Variants in MYH13 observed in about 807,000 individuals in gnomAD.
MYH13 encodes the protein myosin heavy chain 13.
Under a neutral mutation model 232.1 loss-of-function variants are expected in MYH13, and 177 were observed. That is an observed-to-expected ratio of 0.76 (90% CI 0.67 to 0.86). The LOEUF is 0.86. Ranked by LOEUF, MYH13 falls within the 40% of genes least tolerant of loss-of-function variation. The pLI is 0.00. For missense variants in MYH13, 2,246 were observed against 2,405.9 expected, an observed-to-expected ratio of 0.93 and a Z score of 1.39; for synonymous variants, 884 against 923.5, an observed-to-expected ratio of 0.96 and a Z score of 0.78.
chr17:10,311,362 T>G (rs1374805313), intron 32 of MYH13, 135 bp from the exon 33 acceptor site: 1 of 1,113,036 alleles, frequency 9.0e-7, no homozygotes, highest in African/African-American at 1.6e-5. Context: ...GCCGTTCAGA[T>G]GAGGTGTTGG....
chr17:10,343,849 C>G lies in MYH13; in HGVS notation c.1845G>C (p.Ser615=). 6.2e-7 allele frequency: 1 copy of G among 1,610,880 alleles called. No homozygotes were observed. The highest frequency in any genetic ancestry group is 1.7e-5 in the Admixed American group (1 of 59,572). ...AAAAAAGGAAGGAGAGAAGCTTCAG[C>G]GAAGACTTCTGGTACAGCCCCACCA... ...ETVVGLYQKS[S]LKLLSFLFSN... The change falls in exon 16 of 41, where the codon TCG becomes TCC. Residue 615 remains serine (S), a synonymous_variant. Coordinates refer to ENST00000252172, the MANE Select transcript of MYH13 (RefSeq NM_003802.3).
At position 10,328,064 on chromosome 17, in the gene MYH13, C is replaced by A; in HGVS notation, c.2493G>T (p.Trp831Cys). Residue 831 changes from tryptophan (W) to cysteine (C), a missense_variant, in exon 22 of 41, where the codon TGG becomes TGT. Physicochemically the swap from Trp to Cys is radical, Grantham distance 215. Transcript: ENST00000252172. The stretch of plus-strand genomic sequence containing the variant: ...TTTTGAAGAACAGGTTCATCCAGGG[C>A]CAGTGCTTGACGTTCATAAAAGAGC... Reference protein sequence around the residue: ...NIRSFMNVKHWPWMNLFFKIK... With the variant: ...NIRSFMNVKHCPWMNLFFKIK... The A allele has an allele frequency of 6.2e-7, 1 of 1,614,140 alleles. No homozygotes were observed. Among genetic ancestry groups the A allele is most frequent in the South Asian group, 1.1e-5 (1 of 91,070 alleles).
intron 27 of MYH13, among the ~76,000 whole-genome samples, chr17:10,318,188 G>A (rs1036798112): frequency 5.9e-5 from 9 of 152,230 alleles, no homozygotes; most frequent in Non-Finnish European, 8.8e-5. Context: ...GTTGCAGTGA[G>A]CTGAGATGGC....
intron 11 of MYH13, among the ~76,000 whole-genome samples, chr17:10,353,993 G>T (rs182117847): frequency 6.6e-6 from 1 of 151,694 alleles, no homozygotes; most frequent in East Asian, 1.9e-4. Context: ...TTGACGAATT[G>T]TGTCTTCCAG....
intron 18 of MYH13, among the ~76,000 whole-genome samples, chr17:10,334,927 C>G (rs563808368): frequency 6.6e-6 from 1 of 151,546 alleles, no homozygotes; most frequent in Non-Finnish European, 1.5e-5. Context: ...ATTCATAGAA[C>G]CGCCGATGTG....
At position 10,314,810 on chromosome 17, in the gene MYH13, A is replaced by G. The variant is rs138431989; in HGVS notation, c.3984+883T>C. On this transcript the variant is annotated intron_variant, in intron 29 of 40. Transcript: ENST00000252172. Reference sequence around the variant, plus strand: ...TACTGTGTGCACTGTTCTGCTAGGCACAGTAGGTACAGTGGGGACAAACTA... The same window carrying G: ...TACTGTGTGCACTGTTCTGCTAGGCGCAGTAGGTACAGTGGGGACAAACTA... Among the ~76,000 whole-genome samples the G allele has an allele frequency of 6.4e-3, 982 of 152,360 alleles. 15 individuals carry two copies. The highest frequency in any genetic ancestry group is 0.022 in the African/African-American group (927 of 41,578).
rs541715049 is a variant in MYH13, at chr17:10,312,615, C to T, written c.4324G>A (p.Ala1442Thr). The T allele has an allele frequency of 6.9e-5, 112 of 1,613,172 alleles. No individual in the cohort carries two copies. The highest frequency in any genetic ancestry group is 4.0e-4 in the Admixed American group (24 of 59,906). The change falls in exon 31 of 41, where the codon GCC becomes ACC. Residue 1442 changes from alanine to threonine, a missense_variant. Physicochemically the swap from Ala to Thr is moderately conservative, Grantham distance 58. Coordinates refer to ENST00000252172, the MANE Select transcript of MYH13 (RefSeq NM_003802.3). ...LMRDLERSHTACATLDKKQRN... is the reference protein window; with the variant it reads ...LMRDLERSHTTCATLDKKQRN... Reference sequence around the variant, plus strand: ...TGCTTCTTGTCCAGTGTGGCACAGGCGGTGTGGGAGCGCTCCAGATCCCGC... The same window carrying T: ...TGCTTCTTGTCCAGTGTGGCACAGGTGGTGTGGGAGCGCTCCAGATCCCGC...
In MYH13 at chr17:10,364,747, G is replaced by A. The variant is rs1436644344; in HGVS notation, c.-12-205C>T. Reference sequence around the variant, plus strand: ...GGGGATATTTTATTCTAACAAAAAAGTATGAAGGTTTTTTTTTTTATCCTC... The same window carrying A: ...GGGGATATTTTATTCTAACAAAAAAATATGAAGGTTTTTTTTTTTATCCTC... On this transcript the variant is annotated intron_variant, in intron 2 of 40. Coordinates refer to ENST00000252172, the MANE Select transcript of MYH13 (RefSeq NM_003802.3). Among the ~76,000 whole-genome samples the A allele has an allele frequency of 2.7e-5, 4 of 148,426 alleles. No individual in the cohort carries two copies. The East Asian group carries it at 7.8e-4, about 29-fold the overall frequency.
chr17:10,326,434 T>G (rs1432332355), intron 22 of MYH13, among the ~76,000 whole-genome samples: 3 of 152,166 alleles, frequency 2.0e-5, no homozygotes, highest in Non-Finnish European at 4.4e-5. Flanking sequence ...AAAGAGACAA[T>G]TATACTGCCC....
At chr17:10,336,231 C>T (rs1481357946) in intron 18 of MYH13, among the ~76,000 whole-genome samples, 4 of 152,130 alleles carry the variant, frequency 2.6e-5, no homozygotes, top group Non-Finnish European at 4.4e-5. Flanking sequence ...TTAAACCCGG[C>T]CTGAGATGTT....
chr17:10,344,621 G>A (rs2142259178), intron 15 of MYH13, among the ~76,000 whole-genome samples: 1 of 151,576 alleles, frequency 6.6e-6, no homozygotes, highest in South Asian at 2.1e-4. Context: ...TTTGAGACCA[G>A]CCTGGCCAAC....
Position 10,355,091 on chromosome 17 carries a change from G to A in MYH13, c.795C>T (p.Ile265=), listed in dbSNP as rs770711988. 2.5e-6 allele frequency: 4 copies of A among 1,597,746 alleles called. No homozygotes were observed. In the African/African-American group the frequency reaches 4.0e-5, roughly 16 times the overall value. The change falls in exon 9 of 41, where the codon ATC becomes ATT. Residue 265 remains isoleucine (I), a synonymous_variant. Transcript: ENST00000252172. The part of the protein sequence containing the change: ...GATGKLASAD[I]ETYLLEKSRV... ...TAGAGTGTTTGGACTCACAAGTTTC[G>A]ATGTCTGCCGATGCCAGCTTTCCTG...
chr17:10,310,624 A>G (rs953505112), intron 33 of MYH13, among the ~76,000 whole-genome samples: 3 of 152,148 alleles, frequency 2.0e-5, no homozygotes, highest in East Asian at 1.9e-4. Context: ...GAGTCAACCT[A>G]TTCTCTAAAA....
At chr17:10,335,259 T>C (rs2071564268) in intron 18 of MYH13, among the ~76,000 whole-genome samples, 1 of 152,172 alleles carries the variant, frequency 6.6e-6, no homozygotes, top group African/African-American at 2.4e-5. Context: ...TAGGGCTATG[T>C]GTATAAGACC....
At chr17:10,341,809 C>T (rs1008060395) in intron 16 of MYH13, among the ~76,000 whole-genome samples, 1 of 152,186 alleles carries the variant, frequency 6.6e-6, no homozygotes, top group African/African-American at 2.4e-5. Flanking sequence ...AAATGATTTT[C>T]ATCATTGAAG....
intron 35 of MYH13, 22 bp from the exon 36 acceptor site, chr17:10,307,086 A>G (rs201174622): frequency 6.2e-7 from 1 of 1,612,820 alleles, no homozygotes; most frequent in African/African-American, 1.3e-5. Flanking sequence ...ATTAGATATC[A>G]GGGGTGTGGG....
At chr17:10,343,738 C>T in intron 16 of MYH13, 62 bp downstream of exon 16, 1 of 1,482,602 alleles carries the variant, frequency 6.7e-7, no homozygotes, top group Admixed American at 2.5e-5. Context: ...TCACAAGCAG[C>T]TCTGGGTTAG....
intron 37 of MYH13, 126 bp from the exon 38 acceptor site, chr17:10,303,624 A>G: frequency 1.3e-6 from 1 of 766,870 alleles, no homozygotes; most frequent in Non-Finnish European, 2.2e-6. Flanking sequence ...TCAGGAAACA[A>G]CAGATGCTGG....
chr17:10,326,534 G>C (rs9890494), intron 22 of MYH13, among the ~76,000 whole-genome samples: 27,577 of 151,182 alleles, frequency 0.18, 2,879 homozygotes, highest in East Asian at 0.51. Context: ...GCAGTGGCAC[G>C]ATCTCGGCTC....
Sources: allele counts gnomAD v4.1 joint callset (sites outside exome capture counted in the v4.1 genomes callset), GRCh38; gene constraint gnomAD v4.1.1; transcripts MANE v1.5; gene names NCBI Gene and HGNC (gene_info 2026-07-23, HGNC 2026-07-21).